Variants in ADAMTS3 observed in about 807,000 individuals in gnomAD.
ADAMTS3 encodes A disintegrin and metalloproteinase with thrombospondin motifs 3.
Under a neutral mutation model 129.0 loss-of-function variants are expected in ADAMTS3, and 73 were observed. The ratio of observed to expected loss-of-function variants is 0.57; its 90% CI spans 0.47 to 0.69. The LOEUF (loss-of-function observed/expected upper bound fraction) is 0.69. Ranked by LOEUF, ADAMTS3 falls within the 30% of genes least tolerant of loss-of-function variation. ADAMTS3 has a pLI of 0.00. For synonymous variants in ADAMTS3, 477 were observed against 510.8 expected (o/e 0.93, Z 0.89); for missense variants, 1,457 against 1,514.5 (o/e 0.96, Z 0.63).
chr4:72,568,428 G>A (rs2109814260), intron 1 of ADAMTS3, among the ~76,000 whole-genome samples: 1 of 152,242 alleles, frequency 6.6e-6, no homozygotes, highest in East Asian at 1.9e-4. Context: ...ACTAGGAATT[G>A]TTACGAATGT....
Position 72,295,739 on chromosome 4 carries a change from T to C in ADAMTS3, c.2638A>G (p.Met880Val), listed in dbSNP as rs1410894810. Reference protein sequence around the residue: ...YGCRRKSDNKMVHRSFCEANK... With the variant: ...YGCRRKSDNKVVHRSFCEANK... ...GCCTCACAGAAGCTGCGATGGACCA[T>C]TTTATTATCACTTTTCCTACGGCAT... is the stretch of plus-strand genomic sequence containing the variant. Residue 880 changes from methionine to valine, a missense_variant, in exon 19 of 22, where the codon ATG (methionine) becomes GTG (valine). Met to Val is a conservative substitution (Grantham distance 21). Coordinates refer to ENST00000286657, the MANE Select transcript of ADAMTS3 (RefSeq NM_014243.3). The C allele has an allele frequency of 3.7e-6, 6 of 1,612,890 alleles. No individual in the cohort carries two copies. In the Admixed American group the frequency reaches 8.3e-5, roughly 22 times the overall value.
chr4:72,381,776 A>G (rs1721295147), intron 4 of ADAMTS3, among the ~76,000 whole-genome samples: 1 of 124,616 alleles, frequency 8.0e-6, no homozygotes, highest in South Asian at 2.5e-4. Flanking sequence ...TTGCAGGAGT[A>G]CAGCCCAAGG....
chr4:72,333,733 G>A (rs78678359), intron 5 of ADAMTS3, among the ~76,000 whole-genome samples: 5,626 of 151,984 alleles, frequency 0.037, 348 homozygotes, highest in African/African-American at 0.13. Context: ...TTACTAAAAC[G>A]CATGCCCTTA....
chr4:72,392,986 C>T (rs1005240033), intron 4 of ADAMTS3, among the ~76,000 whole-genome samples: 14 of 149,248 alleles, frequency 9.4e-5, no homozygotes, highest in South Asian at 4.2e-4. Flanking sequence ...AGTGCAATGG[C>T]GCAATCTCAG....
rs1229911407 is a variant in ADAMTS3, at chr4:72,372,631, G to T, written c.662-32938C>A. Among the ~76,000 whole-genome samples, 3 of 151,846 alleles carry T rather than the reference G, an allele frequency of 2.0e-5. No homozygotes were observed. The East Asian group carries it at 5.8e-4, about 29-fold the overall frequency. On this transcript the variant is annotated intron_variant, in intron 4 of 21. Coordinates refer to ENST00000286657, the MANE Select transcript of ADAMTS3 (RefSeq NM_014243.3). ...AATTAATAACTAAATTAGCAAGAAA[G>T]ATGGGTATAAAGTCACTATAAAAAT...
intron 5 of ADAMTS3, among the ~76,000 whole-genome samples, chr4:72,335,941 G>A (rs1049764007): frequency 6.6e-6 from 1 of 151,712 alleles, no homozygotes; most frequent in African/African-American, 2.4e-5. Flanking sequence ...CTTAATATAC[G>A]AGCTCTTTTC....
At chr4:72,418,826 T>C (rs569935894) in intron 3 of ADAMTS3, among the ~76,000 whole-genome samples, 2 of 152,338 alleles carry the variant, frequency 1.3e-5, no homozygotes, top group Admixed American at 1.3e-4. Flanking sequence ...CTGCACTCAT[T>C]ACTTTGGCCT....
intron 4 of ADAMTS3, among the ~76,000 whole-genome samples, chr4:72,389,669 C>T (rs1721538194): frequency 6.6e-6 from 1 of 152,060 alleles, no homozygotes; most frequent in Non-Finnish European, 1.5e-5. Flanking sequence ...TTTGTAAGGT[C>T]CACCAGCGTA....
chr4:72,466,169 C>A (rs1718912601), intron 3 of ADAMTS3, among the ~76,000 whole-genome samples: 1 of 152,164 alleles, frequency 6.6e-6, no homozygotes, highest in East Asian at 1.9e-4. Flanking sequence ...TGATGAACAT[C>A]TGGGGAGAAA....
intron 21 of ADAMTS3, among the ~76,000 whole-genome samples, chr4:72,284,400 G>A (rs554899959): frequency 4.7e-5 from 7 of 149,226 alleles, no homozygotes; most frequent in Admixed American, 1.3e-4. Context: ...AGCCAAGATT[G>A]TGCCACTGCA....
intron 2 of ADAMTS3, among the ~76,000 whole-genome samples, chr4:72,563,047 A>C (rs1721941642): frequency 1.3e-5 from 2 of 152,186 alleles, no homozygotes; most frequent in Non-Finnish European, 2.9e-5. Flanking sequence ...CAAAGTAAAG[A>C]ATGTTTTAAG....
chr4:72,396,615 T>C (rs1027799977), intron 4 of ADAMTS3, among the ~76,000 whole-genome samples: 3 of 152,148 alleles, frequency 2.0e-5, no homozygotes, highest in African/African-American at 4.8e-5. Flanking sequence ...CATCCCACAC[T>C]ACATCAGAGC....
intron 17 of ADAMTS3, among the ~76,000 whole-genome samples, chr4:72,302,731 G>C (rs1292795300): frequency 6.6e-6 from 1 of 151,904 alleles, no homozygotes; most frequent in African/African-American, 2.4e-5. Context: ...AAACCAACAA[G>C]ACAAAACAAA....
chr4:72,526,757 T>C (rs1452106213), intron 3 of ADAMTS3, among the ~76,000 whole-genome samples: 2 of 82,024 alleles, frequency 2.4e-5, no homozygotes, highest in African/African-American at 8.8e-5. Context: ...TATATATATA[T>C]ATATATATAT....
intron 16 of ADAMTS3, 69 bp from the exon 17 acceptor site, chr4:72,304,149 C>T (rs1237630792): frequency 7.1e-7 from 1 of 1,417,768 alleles, no homozygotes; most frequent in Non-Finnish European, 9.8e-7. Flanking sequence ...AGATTCACAG[C>T]AAGTATATCC....
chr4:72,305,658 A>G (rs113771621), intron 16 of ADAMTS3, among the ~76,000 whole-genome samples: 1 of 151,964 alleles, frequency 6.6e-6, no homozygotes, highest in African/African-American at 2.4e-5. Context: ...AGTTGGGAGA[A>G]ATGACCAAAA....
intron 4 of ADAMTS3, among the ~76,000 whole-genome samples, chr4:72,399,784 ACGCATATGTGTG>A: frequency 6.7e-6 from 1 of 148,640 alleles, no homozygotes; most frequent in African/African-American, 2.5e-5. Context: ...CACGGTGTGT[ACGCATATGTGTG>A]TATATATATA....
chr4:72,526,775 T>C (rs955592595), intron 3 of ADAMTS3, among the ~76,000 whole-genome samples: 1 of 84,778 alleles, frequency 1.2e-5, no homozygotes, highest in African/African-American at 4.4e-5. Flanking sequence ...TATATATATA[T>C]ATAGACAGAG....
intron 3 of ADAMTS3, among the ~76,000 whole-genome samples, chr4:72,452,815 TC>T (rs1225874681): frequency 1.3e-5 from 2 of 151,754 alleles, no homozygotes; most frequent in African/African-American, 2.4e-5. Flanking sequence ...AAAACCACTA[TC>T]TTGGTTCTAA....
Sources: gnomAD v4.1 joint callset for allele counts (sites outside exome capture counted in the v4.1 genomes callset) on GRCh38, gnomAD v4.1.1 for gene constraint, MANE v1.5 for transcripts, NCBI Gene and HGNC (gene_info 2026-07-23, HGNC 2026-07-21) for gene names.